The following CCSER1 variants were observed in gnomAD, a reference collection of about 807,000 sequenced individuals.
CCSER1 encodes serine-rich coiled-coil domain-containing protein 1.
CCSER1 carries 41 observed loss-of-function variants against 82.0 expected under a neutral mutation model. The observed-to-expected ratio is 0.50, with a 90% CI of 0.39 to 0.65. CCSER1 has a LOEUF of 0.65. CCSER1 is among the 30% of genes least tolerant of loss of function. The probability of loss-of-function intolerance (pLI) is 0.00; values close to 1 mark genes in which losing one functional copy is unlikely to be tolerated. For synonymous variants in CCSER1, 414 were observed against 383.9 expected, an observed-to-expected ratio of 1.08 and a Z score of -0.92; for missense variants, 1,119 against 1,064.2, an observed-to-expected ratio of 1.05 and a Z score of -0.72.
At chr4:91,378,103 G>A (rs552359821) in intron 10 of CCSER1, among the ~76,000 whole-genome samples, 2 of 152,208 alleles carry the variant, frequency 1.3e-5, no homozygotes, top group East Asian at 3.9e-4. Flanking sequence ...TGTTCCATTG[G>A]TCTATATCTC....
intron 6 of CCSER1, among the ~76,000 whole-genome samples, chr4:90,709,928 G>A (rs1359643854): frequency 6.8e-6 from 1 of 147,386 alleles, no homozygotes; most frequent in Non-Finnish European, 1.5e-5. Flanking sequence ...CTTTTTCTCT[G>A]CAACCTTGCC....
At chr4:90,564,584 C>T (rs1357095831) in intron 5 of CCSER1, among the ~76,000 whole-genome samples, 1 of 152,010 alleles carries the variant, frequency 6.6e-6, no homozygotes, top group Non-Finnish European at 1.5e-5. Context: ...AGGTCATATC[C>T]AAAGAGCCAT....
intron 9 of CCSER1, among the ~76,000 whole-genome samples, chr4:91,066,075 A>C (rs1214738296): frequency 3.7e-4 from 57 of 152,154 alleles, no homozygotes; most frequent in Non-Finnish European, 8.8e-5. Context: ...AGTTTTTCTA[A>C]TTGCTTTCAA....
At chr4:90,638,562 A>T (rs1003525913) in intron 6 of CCSER1, among the ~76,000 whole-genome samples, 1 of 152,172 alleles carries the variant, frequency 6.6e-6, no homozygotes, top group East Asian at 1.9e-4. Flanking sequence ...TATGGATCCC[A>T]TTGTATACTC....
At chr4:90,247,327 A>T (rs999333800) in intron 1 of CCSER1, among the ~76,000 whole-genome samples, 1 of 152,192 alleles carries the variant, frequency 6.6e-6, no homozygotes, top group African/African-American at 2.4e-5. Context: ...GAGGACAGGT[A>T]AAAGGGAACT....
chr4:91,416,163 C>A (rs1185731220), intron 10 of CCSER1, among the ~76,000 whole-genome samples: 1 of 152,024 alleles, frequency 6.6e-6, no homozygotes, highest in Non-Finnish European at 1.5e-5. Flanking sequence ...AGGACCTCTT[C>A]AAGGAGAACT....
At chr4:90,730,794 A>T (rs1656138570) in intron 7 of CCSER1, among the ~76,000 whole-genome samples, 1 of 152,194 alleles carries the variant, frequency 6.6e-6, no homozygotes, top group Non-Finnish European at 1.5e-5. Context: ...TGCAAAAGCA[A>T]GAGAATACTC....
chr4:90,591,316 C>T (rs995906869), intron 5 of CCSER1, among the ~76,000 whole-genome samples: 1 of 152,064 alleles, frequency 6.6e-6, no homozygotes, highest in Non-Finnish European at 1.5e-5. Flanking sequence ...ACTTCTAATA[C>T]TATGTTGAAT....
At chr4:90,448,645 CT>C (rs1043978478) in intron 4 of CCSER1, among the ~76,000 whole-genome samples, 5 of 151,468 alleles carry the variant, frequency 3.3e-5, no homozygotes, top group Non-Finnish European at 7.4e-5. Context: ...AATTTTTTTT[CT>C]GTATCATTTA....
chr4:90,767,121 G>C (rs761906986), intron 7 of CCSER1, among the ~76,000 whole-genome samples: 2 of 152,128 alleles, frequency 1.3e-5, no homozygotes, highest in Non-Finnish European at 2.9e-5. Context: ...AAATCACAGT[G>C]TTTGCCAACA....
chr4:90,227,895 G>A (rs566079213), intron 1 of CCSER1, among the ~76,000 whole-genome samples: 503 of 152,304 alleles, frequency 3.3e-3, no homozygotes, highest in Non-Finnish European at 4.7e-3. Flanking sequence ...ACTTCCACCC[G>A]AATACAGCGC....
intron 8 of CCSER1, among the ~76,000 whole-genome samples, chr4:90,826,135 A>C (rs1215745638): frequency 6.6e-6 from 1 of 152,190 alleles, no homozygotes; most frequent in African/African-American, 2.4e-5. Context: ...GCCCAATAAA[A>C]ACTAGCTTGT....
At chr4:91,242,175 A>C (rs891897217) in intron 10 of CCSER1, among the ~76,000 whole-genome samples, 1 of 152,304 alleles carries the variant, frequency 6.6e-6, no homozygotes, top group Admixed American at 6.5e-5. Flanking sequence ...TTTGAGAAAG[A>C]AGATATGGAA....
intron 7 of CCSER1, among the ~76,000 whole-genome samples, chr4:90,777,859 C>G (rs150221846): frequency 2.0e-5 from 3 of 152,228 alleles, no homozygotes; most frequent in Middle Eastern, 3.4e-3. Flanking sequence ...GTTTACACAT[C>G]TAAAGCATTA....
intron 7 of CCSER1, among the ~76,000 whole-genome samples, chr4:90,733,927 C>T (rs1413721008): frequency 2.0e-5 from 3 of 151,992 alleles, no homozygotes; most frequent in Admixed American, 2.0e-4. Context: ...TGTACTATAG[C>T]TCTGTAATAT....
intron 6 of CCSER1, among the ~76,000 whole-genome samples, chr4:90,669,372 G>A (rs1413565447): frequency 1.3e-5 from 2 of 152,048 alleles, no homozygotes; most frequent in Non-Finnish European, 2.9e-5. Flanking sequence ...ATATGTTCAA[G>A]TGTAAATTTT....
chr4:90,880,423 T>G (rs753733452), intron 8 of CCSER1, among the ~76,000 whole-genome samples: 1 of 152,124 alleles, frequency 6.6e-6, no homozygotes, highest in Non-Finnish European at 1.5e-5. Flanking sequence ...TGATGAGCAG[T>G]TGGAGGTGTG....
At chr4:90,216,283 C>T (rs1741011770) in intron 1 of CCSER1, among the ~76,000 whole-genome samples, 1 of 152,208 alleles carries the variant, frequency 6.6e-6, no homozygotes, top group Non-Finnish European at 1.5e-5. Flanking sequence ...TTGAAAAGCG[C>T]TTCACTAGTT....
intron 10 of CCSER1, among the ~76,000 whole-genome samples, chr4:91,131,906 A>G (rs1728031212): frequency 1.3e-5 from 2 of 151,982 alleles, no homozygotes; most frequent in African/African-American, 4.8e-5. Flanking sequence ...TGCTGGCTGT[A>G]TGATTTTGGA....
Sources: gnomAD v4.1 joint callset for allele counts (sites outside exome capture counted in the v4.1 genomes callset) on GRCh38, gnomAD v4.1.1 for gene constraint, MANE v1.5 for transcripts, NCBI Gene and HGNC (gene_info 2026-07-23, HGNC 2026-07-21) for gene names.